Variants in PLXDC1 observed in about 807,000 individuals in gnomAD.
The protein encoded by PLXDC1 is plexin domain containing 1.
Under a neutral mutation model 61.3 loss-of-function variants are expected in PLXDC1, and 39 were observed. The ratio of observed to expected loss-of-function variants is 0.64; its 90% CI spans 0.49 to 0.83. PLXDC1 has a LOEUF of 0.83. PLXDC1 is among the 40% of genes least tolerant of loss of function. The pLI is 0.00. For synonymous variants in PLXDC1, 212 were observed against 254.5 expected, an observed-to-expected ratio of 0.83 and a Z score of 1.59; for missense variants, 596 against 666.5, an observed-to-expected ratio of 0.89 and a Z score of 1.17.
chr17:39,111,324 G>A (rs771481473), intron 2 of PLXDC1, among the ~76,000 whole-genome samples: 5 of 152,114 alleles, frequency 3.3e-5, no homozygotes, highest in African/African-American at 7.2e-5. Flanking sequence ...TCGTTCTGTC[G>A]CCCAAGCTGG....
At chr17:39,072,169 C>G in intron 12 of PLXDC1, 1 of 498,016 alleles carries the variant, frequency 2.0e-6, no homozygotes, top group Non-Finnish European at 3.6e-6. Context: ...CCACTCCTTT[C>G]TGGGCAGTGA....
intron 1 of PLXDC1, among the ~76,000 whole-genome samples, chr17:39,142,354 T>C (rs915536145): frequency 6.6e-6 from 1 of 152,202 alleles, no homozygotes; most frequent in African/African-American, 2.4e-5. Context: ...GCTCCTCTTG[T>C]ATTTAGCAGG....
chr17:39,127,201 G>A (rs1376420445), intron 2 of PLXDC1, among the ~76,000 whole-genome samples: 1 of 152,190 alleles, frequency 6.6e-6, no homozygotes, highest in Non-Finnish European at 1.5e-5. Flanking sequence ...CCTTACAGAT[G>A]AGGAAACAGG....
At chr17:39,139,457 G>A (rs948482510) in intron 2 of PLXDC1, among the ~76,000 whole-genome samples, 197 bp downstream of exon 2, 1 of 152,176 alleles carries the variant, frequency 6.6e-6, no homozygotes, top group Non-Finnish European at 1.5e-5. Flanking sequence ...CCTATGAAAC[G>A]CTGAGATGCT....
chr17:39,069,813 C>T (rs200963450), intron 13 of PLXDC1, 43 bp downstream of exon 13: 29 of 1,557,772 alleles, frequency 1.9e-5, no homozygotes, highest in Middle Eastern at 1.9e-4. Flanking sequence ...GAGACGCCGA[C>T]GCAGAAGCAG....
At chr17:39,097,902 T>TAAA (rs71141758) in intron 7 of PLXDC1, among the ~76,000 whole-genome samples, 20 of 102,692 alleles carry the variant, frequency 1.9e-4, no homozygotes, top group African/African-American at 6.8e-4. Context: ...ACCCTGTCTA[T>TAAA]AAAAAAAAAA....
At chr17:39,115,847 G>T (rs1326799736) in intron 2 of PLXDC1, among the ~76,000 whole-genome samples, 1 of 152,194 alleles carries the variant, frequency 6.6e-6, no homozygotes, top group Non-Finnish European at 1.5e-5. Flanking sequence ...AGGCATGGTG[G>T]CTCATGCCTG....
intron 1 of PLXDC1, among the ~76,000 whole-genome samples, chr17:39,141,562 C>G (rs943682997): frequency 6.6e-6 from 1 of 152,180 alleles, no homozygotes; most frequent in Non-Finnish European, 1.5e-5. Context: ...TTTGCTTCCA[C>G]GTTTTAGCTA....
intron 7 of PLXDC1, among the ~76,000 whole-genome samples, chr17:39,099,677 C>T (rs11870701): frequency 6.6e-6 from 1 of 152,292 alleles, no homozygotes; most frequent in Non-Finnish European, 1.5e-5. Context: ...TTCTTCCTTT[C>T]ATAGCTGTGT....
chr17:39,124,514 G>T (rs1854085025), intron 2 of PLXDC1, among the ~76,000 whole-genome samples: 1 of 152,168 alleles, frequency 6.6e-6, no homozygotes, highest in Non-Finnish European at 1.5e-5. Context: ...GATCACTGGA[G>T]CCCAGGAGGT....
chr17:39,145,256 C>G (rs1466764522), intron 1 of PLXDC1, among the ~76,000 whole-genome samples: 1 of 152,200 alleles, frequency 6.6e-6, no homozygotes, highest in Non-Finnish European at 1.5e-5. Context: ...GAGACTGTGT[C>G]CCCCAGCATG....
At chr17:39,127,691 C>T (rs113681386) in intron 2 of PLXDC1, among the ~76,000 whole-genome samples, 13,275 of 152,062 alleles carry the variant, frequency 0.087, 696 homozygotes, top group Non-Finnish European at 0.12. Flanking sequence ...TGCAGTGGCT[C>T]ATGCCTGTAA....
chr17:39,114,904 G>A (rs769821781), intron 2 of PLXDC1, among the ~76,000 whole-genome samples: 19 of 152,202 alleles, frequency 1.2e-4, no homozygotes, highest in African/African-American at 3.1e-4. Flanking sequence ...ACCTCCGGGC[G>A]TCTGAAATGA....
chr17:39,140,316 C>CT (rs772766013), intron 1 of PLXDC1, among the ~76,000 whole-genome samples: 1 of 151,028 alleles, frequency 6.6e-6, no homozygotes, highest in Non-Finnish European at 1.5e-5. Context: ...TTTTCTTTTT[C>CT]TTTTTTTGAA....
chr17:39,072,035 T>G (rs1909139126), intron 12 of PLXDC1: 1 of 193,184 alleles, frequency 5.2e-6, no homozygotes, highest in Non-Finnish European at 1.1e-5. Flanking sequence ...TTATGTCCTC[T>G]GCCAGCCTGA....
At chr17:39,078,359 C>T (rs961826423) in intron 10 of PLXDC1, among the ~76,000 whole-genome samples, 1 of 152,158 alleles carries the variant, frequency 6.6e-6, no homozygotes, top group Non-Finnish European at 1.5e-5. Flanking sequence ...CTTCTAGCAG[C>T]GAGATGCAGG....
intron 7 of PLXDC1, among the ~76,000 whole-genome samples, chr17:39,103,941 T>C (rs186684588): frequency 6.6e-6 from 1 of 152,014 alleles, no homozygotes; most frequent in East Asian, 1.9e-4. Flanking sequence ...TCTGCGCCAC[T>C]ATAGCATGTG....
In PLXDC1 at chr17:39,108,294, C is replaced by T. The variant is rs201284756; in HGVS notation, c.470-49G>A. 2.1e-5 allele frequency: 34 copies of T among 1,605,728 alleles called. No individual in the cohort carries two copies. The East Asian group carries it at 2.5e-4, about 12-fold the overall frequency. ...AGTCACCAGAAATGGCCCAGAGGGGCCGCTTTGGGGGCCTTTTCCCCAAGG... is the reference window on the plus strand; with the variant it reads ...AGTCACCAGAAATGGCCCAGAGGGGTCGCTTTGGGGGCCTTTTCCCCAAGG... On this transcript the variant is annotated intron_variant, in intron 4 of 13. Transcript: ENST00000315392.
At chr17:39,142,609 C>G (rs2143956923) in intron 1 of PLXDC1, among the ~76,000 whole-genome samples, 1 of 152,350 alleles carries the variant, frequency 6.6e-6, no homozygotes, top group South Asian at 2.1e-4. Context: ...TACGCTTGAC[C>G]TCTCAGGCTC....
Sources: gnomAD v4.1 joint callset for allele counts (sites outside exome capture counted in the v4.1 genomes callset) on GRCh38, gnomAD v4.1.1 for gene constraint, MANE v1.5 for transcripts, NCBI Gene and HGNC (gene_info 2026-07-23, HGNC 2026-07-21) for gene names.